The following NLRP7 variants were observed in gnomAD, a reference collection of about 807,000 sequenced individuals.
NLRP7 encodes the protein NACHT, LRR and PYD domains-containing protein 7.
A neutral mutation model predicts 85.5 loss-of-function variants in NLRP7; 72 were observed. That is an observed-to-expected ratio of 0.84 (90% CI 0.70 to 1.02). NLRP7 has a LOEUF of 1.02. Among genes scored for constraint, NLRP7 ranks in the 50% least tolerant of loss-of-function variants. NLRP7 has a pLI of 0.00. For synonymous variants in NLRP7, 550 were observed against 505.2 expected, an observed-to-expected ratio of 1.09 and a Z score of -1.19; for missense variants, 1,243 against 1,219.5, an observed-to-expected ratio of 1.02 and a Z score of -0.29.
rs980585640 is a variant in NLRP7 at position 54,939,546 on chromosome 19, C to A, written c.1273G>T (p.Ala425Ser). 1.2e-6 allele frequency: 2 copies of A among 1,612,990 alleles called. No homozygotes were observed. Among genetic ancestry groups the A allele is most frequent in the Admixed American group, 1.7e-5 (1 of 59,938 alleles). ...TCTCGGTGGAACACGGACATCTGCG[C>A]CCACAGGCCCTGCGCGGCCAGGAGG... The change falls in exon 4 of 10, where the codon GCG (alanine) becomes TCG (serine). Residue 425 changes from alanine (A) to serine (S), a missense_variant. Ala to Ser is a moderately conservative substitution (Grantham distance 99). Transcript: ENST00000340844.
At chr19:54,939,864 C>G (rs775882) in exon 4 of NLRP7, 1 of 1,613,636 alleles carries the variant, frequency 6.2e-7, no homozygotes, top group Non-Finnish European at 8.5e-7. Context: ...TCCACCCTTA[C>G]GTAGATCGGC....
chr19:54,937,975 T>TA (rs1243862231), intron 5 of NLRP7, 69 bp downstream of exon 5: 3 of 1,271,060 alleles, frequency 2.4e-6, no homozygotes, highest in South Asian at 2.4e-5. Context: ...TTTCCAAATT[T>TA]AAAAAACAAA....
exon 5 of NLRP7, chr19:54,938,160 G>T: frequency 6.2e-7 from 1 of 1,614,030 alleles, no homozygotes; most frequent in Admixed American, 1.7e-5. Flanking sequence ...TGTTTGAGCT[G>T]AAGAGAGAGC....
chr19:54,940,019 T>G (rs1228784948), exon 4 of NLRP7: 3 of 1,614,052 alleles, frequency 1.9e-6, no homozygotes, highest in Non-Finnish European at 2.5e-6. Context: ...GCAGATGTCC[T>G]GGATCAGCGC....
At chr19:54,952,702 C>T (rs2069710136) in intron 1 of NLRP7, among the ~76,000 whole-genome samples, 1 of 152,142 alleles carries the variant, frequency 6.6e-6, no homozygotes, top group South Asian at 2.1e-4. Context: ...TCTTCTGCAA[C>T]ACAGTGACCC....
At chr19:54,939,970 C>A (rs771584710) in exon 4 of NLRP7, 2 of 1,614,174 alleles carry the variant, frequency 1.2e-6, no homozygotes, top group South Asian at 2.2e-5. Context: ...GCAAACTCCC[C>A]AGGAGGACGG....
intron 4 of NLRP7, 71 bp from the exon 5 acceptor site, chr19:54,938,312 T>A: frequency 5.5e-6 from 7 of 1,273,678 alleles, no homozygotes; most frequent in Non-Finnish European, 8.0e-6. Flanking sequence ...GCAAACCACA[T>A]TTCAATGGCA....
chr19:54,937,974 T>A, intron 5 of NLRP7, 70 bp downstream of exon 5: 2 of 1,254,196 alleles, frequency 1.6e-6, no homozygotes, highest in Admixed American at 3.4e-5. Context: ...ATTTCCAAAT[T>A]TAAAAAACAA....
At chr19:54,951,855 A>G (rs915740721), upstream of NLRP7, among the ~76,000 whole-genome samples, 4 of 151,876 alleles carry the variant, frequency 2.6e-5, no homozygotes, top group Non-Finnish European at 5.9e-5. Context: ...GGTTCACACA[A>G]TTCTCCTGCC....
chr19:54,956,426 A>G (rs944308607), intron 1 of NLRP7, among the ~76,000 whole-genome samples: 4 of 152,080 alleles, frequency 2.6e-5, no homozygotes, highest in African/African-American at 9.7e-5. Flanking sequence ...ATGGTGGTTC[A>G]TGCCTGTCAT....
chr19:54,927,853 A>G, intron 9 of NLRP7, 78 bp from the exon 10 acceptor site: 1 of 1,338,438 alleles, frequency 7.5e-7, no homozygotes, highest in Non-Finnish European at 1.1e-6. Context: ...ACACTTCGGG[A>G]GGCCAAGGCG....
chr19:54,955,830 G>A (rs185592159), intron 1 of NLRP7, among the ~76,000 whole-genome samples: 6 of 152,046 alleles, frequency 3.9e-5, no homozygotes, highest in South Asian at 2.1e-4. Flanking sequence ...AGGGATTGTC[G>A]AGCCTCAGCC....
intron 1 of NLRP7, among the ~76,000 whole-genome samples, chr19:54,962,169 A>G (rs1301904664): frequency 6.6e-6 from 1 of 150,996 alleles, no homozygotes; most frequent in East Asian, 1.9e-4. Context: ...ATCTCAAAAA[A>G]AAAAAAAAGA....
chr19:54,958,916 G>A (rs2365586), intron 1 of NLRP7, among the ~76,000 whole-genome samples: 26,192 of 151,948 alleles, frequency 0.17, 2,376 homozygotes, highest in East Asian at 0.38. Flanking sequence ...CAGGGGTTTC[G>A]TGCACTGCTG....
chr19:54,949,626 C>A (rs1007698593), upstream of NLRP7, among the ~76,000 whole-genome samples: 2 of 151,980 alleles, frequency 1.3e-5, no homozygotes, highest in African/African-American at 2.4e-5. Context: ...CCTAGATAAC[C>A]CCACAAGTGC....
At chr19:54,923,643 C>G in exon 10 of NLRP7, 4 of 1,362,188 alleles carry the variant, frequency 2.9e-6, no homozygotes, top group Non-Finnish European at 4.2e-6. Flanking sequence ...TCGACAGACT[C>G]TAGTGTTAAC....
rs1311275096 is a variant in NLRP7 at position 54,957,331 on chromosome 19, TTTC to T, written c.-77+8706_-77+8708del. The stretch of plus-strand genomic sequence containing the variant: ...CCACTGGGACGGACACCCCTACTCC[TTTC>T]TTCTTCTTCTTCTTTTTTTTTTTTT... On this transcript the variant is annotated intron_variant, in intron 1 of 2. Transcript: ENST00000587103. Among the ~76,000 whole-genome samples the T allele has an allele frequency of 9.1e-3, 1,343 of 147,780 alleles. 20 individuals are homozygous for T. Among genetic ancestry groups the T allele is most frequent in the African/African-American group, 0.032 (1,259 of 39,588 alleles).
intron 1 of NLRP7, among the ~76,000 whole-genome samples, chr19:54,956,555 G>A (rs530867775): frequency 1.1e-3 from 172 of 151,820 alleles, no homozygotes; most frequent in African/African-American, 3.9e-3. Context: ...TTAGCTGGGC[G>A]CGGTGGCAGG....
At chr19:54,930,711 A>G in intron 8 of NLRP7, 45 bp from the exon 9 acceptor site, 1 of 1,547,168 alleles carries the variant, frequency 6.5e-7, no homozygotes, top group Non-Finnish European at 8.9e-7. Flanking sequence ...CCCTCTGGCT[A>G]ACGCCCTGTG....
Sources: allele counts gnomAD v4.1 joint callset (sites outside exome capture counted in the v4.1 genomes callset), GRCh38; gene constraint gnomAD v4.1.1; transcripts MANE v1.5; gene names NCBI Gene and HGNC (gene_info 2026-07-23, HGNC 2026-07-21).